WAC: variants seen among roughly 807,000 people sequenced by gnomAD.
The protein encoded by WAC is WW domain-containing adapter protein with coiled-coil.
In WAC, 11 loss-of-function variants were observed where a neutral mutation model predicts 79.6. The observed-to-expected ratio is 0.14, with a 90% CI of 0.09 to 0.23. WAC has a LOEUF of 0.23. Ranked by LOEUF, WAC falls within the 10% of genes least tolerant of loss-of-function variation. The pLI is 1.00. For synonymous variants in WAC, 304 were observed against 276.9 expected (o/e 1.10, Z -0.97); for missense variants, 728 against 773.5 (o/e 0.94, Z 0.70).
chr10:28,613,539 C>A (rs957714209), intron 10 of WAC, among the ~76,000 whole-genome samples: 2 of 152,076 alleles, frequency 1.3e-5, no homozygotes, highest in South Asian at 2.1e-4. Flanking sequence ...GGTAGCTGTT[C>A]GTTTTTTGTG....
intron 11 of WAC, chr10:28,615,308 ATTG>A (rs1841425463): frequency 6.6e-6 from 1 of 152,116 alleles, no homozygotes; most frequent in African/African-American, 2.4e-5. Flanking sequence ...TGTTGTTTTT[ATTG>A]TTGTTTTCTA....
intron 4 of WAC, among the ~76,000 whole-genome samples, chr10:28,584,187 T>C (rs1839685788): frequency 6.6e-6 from 1 of 152,174 alleles, no homozygotes; most frequent in Non-Finnish European, 1.5e-5. Flanking sequence ...TTAAAGTTGC[T>C]TTGGAGGGTG....
intron 10 of WAC, 95 bp from the exon 11 acceptor site, chr10:28,614,472 C>CTTCTTTAAAA: frequency 1.1e-5 from 3 of 271,050 alleles, no homozygotes; most frequent in South Asian, 3.9e-5. Flanking sequence ...AACTTGACTG[C>CTTCTTTAAAA]CACATTTTAC....
At chr10:28,603,336 C>G (rs1198233631) in intron 7 of WAC, among the ~76,000 whole-genome samples, 2 of 152,156 alleles carry the variant, frequency 1.3e-5, no homozygotes, top group African/African-American at 4.8e-5. Context: ...ATGGGTTGGA[C>G]GAGCTTGATC....
At position 28,564,382 on chromosome 10, in the gene WAC, G is replaced by A. The variant is rs79967178; in HGVS notation, c.275-19017G>A. ...AGTTTTTGGATTAAGTTTTGATGCT[G>A]ACTGAAGTCATAGAGATGGAAGAAG... is the stretch of plus-strand genomic sequence containing the variant. On this transcript the variant is annotated intron_variant, in intron 3 of 13. Coordinates refer to ENST00000354911, the MANE Select transcript of WAC (RefSeq NM_016628.5). 2.3e-3 allele frequency among the ~76,000 whole-genome samples: 347 copies of A among 152,348 alleles called. 3 individuals are homozygous for A. Among genetic ancestry groups the A allele is most frequent in the African/African-American group, 8.1e-3 (337 of 41,578 alleles).
chr10:28,533,802 G>A, intron 1 of WAC, 182 bp downstream of exon 1: 1 of 995,790 alleles, frequency 1.0e-6, no homozygotes, highest in Non-Finnish European at 1.4e-6. Flanking sequence ...GGGGAGCGGG[G>A]GCCCGGCTTC....
intron 4 of WAC, 106 bp from the exon 5 acceptor site, chr10:28,589,630 C>G: frequency 1.5e-6 from 1 of 655,172 alleles, no homozygotes; most frequent in Non-Finnish European, 2.6e-6. Context: ...GTTCAGAGTA[C>G]CTTTATCTCA....
At chr10:28,588,453 G>C (rs1329711137) in intron 4 of WAC, among the ~76,000 whole-genome samples, 1 of 152,164 alleles carries the variant, frequency 6.6e-6, no homozygotes, top group Admixed American at 6.5e-5. Context: ...TCCAGACTCG[G>C]TGTTAATTTA....
intron 7 of WAC, among the ~76,000 whole-genome samples, chr10:28,605,462 AT>A (rs2132783163): frequency 6.6e-6 from 1 of 152,292 alleles, no homozygotes; most frequent in Admixed American, 6.5e-5. Flanking sequence ...GTTTAATAAA[AT>A]CAAACCTTTT....
At position 28,620,340 on chromosome 10, in the gene WAC, G is replaced by A. The variant is rs2132888514; in HGVS notation, c.*734G>A. 1 of 144,008 alleles carries A rather than the reference G, an allele frequency of 6.9e-6. No individual in the cohort carries two copies. Among genetic ancestry groups the A allele is most frequent in the South Asian group, 2.3e-4 (1 of 4,308 alleles). The allele number at this position is 144,008 out of a possible 1,614,324, so 8.9% of individuals were successfully genotyped here. A position where few individuals can be genotyped will look rare whatever the true frequency, so the allele number is the denominator to read the frequency against. On this transcript the variant is annotated 3_prime_UTR_variant, in exon 14 of 14. Transcript: ENST00000354911. Reference sequence around the variant, plus strand: ...GTGATTGAGCATAACCTACTTGTTTGTATAAATTATTGAAATCCATTTGCA... The same window carrying A: ...GTGATTGAGCATAACCTACTTGTTTATATAAATTATTGAAATCCATTTGCA...
rs912120323 is a variant in WAC at position 28,622,491 on chromosome 10, G to C, written c.*2885G>C. On this transcript the variant is annotated 3_prime_UTR_variant, in exon 14 of 14. Coordinates refer to ENST00000354911, the MANE Select transcript of WAC (RefSeq NM_016628.5). ...CTATTCAAACTTTTAAAATGTCGTG[G>C]TATTGTAACAATATATTTGATGAAA... 2 of 128,890 alleles carry C rather than the reference G, an allele frequency of 1.6e-5. No homozygotes were observed. The highest frequency in any genetic ancestry group is 2.4e-4 in the South Asian group (1 of 4,228). 8.0% of individuals were successfully genotyped at this position (128,890 alleles called of 1,614,324 possible). A position where few individuals can be genotyped will look rare whatever the true frequency, so the allele number is the denominator to read the frequency against.
chr10:28,617,730 A>G lies in WAC; in HGVS notation c.1820A>G (p.Asn607Ser), dbSNP rs1841533768. The G allele has an allele frequency of 1.9e-6, 3 of 1,598,390 alleles. No homozygotes were observed. Among genetic ancestry groups the G allele is most frequent in the Non-Finnish European group, 2.6e-6 (3 of 1,175,318 alleles). ...HMSEICTELK[N>S]LRSLVRVCEI... is the part of the protein sequence containing the mutation. ...TCCGAAATTTGTACTGAATTAAAAA[A>G]TTTAAGATCTTTAGTCCGAGTATGT... is the stretch of plus-strand genomic sequence containing the variant. Residue 607 changes from asparagine (N) to serine (S), a missense_variant, in exon 13 of 14, where the codon AAT (asparagine) becomes AGT (serine). Around this residue, in one of 3 missense-constraint regions of WAC, gnomAD observed 66 missense variants for 78.9 expected, o/e 0.84. Coordinates refer to ENST00000354911, the MANE Select transcript of WAC (RefSeq NM_016628.5).
At chr10:28,547,846 C>T (rs576574415) in intron 3 of WAC, among the ~76,000 whole-genome samples, 1 of 150,722 alleles carries the variant, frequency 6.6e-6, no homozygotes, top group African/African-American at 2.4e-5. Flanking sequence ...TAAGTGTAGG[C>T]CTTTTTTCGT....
chr10:28,539,662 G>T (rs1053419036), intron 3 of WAC, among the ~76,000 whole-genome samples: 1 of 151,768 alleles, frequency 6.6e-6, no homozygotes, highest in Admixed American at 6.6e-5. Flanking sequence ...GAGTTCAAGC[G>T]ATCCTTCTGC....
chr10:28,581,926 A>G (rs1391508481), intron 3 of WAC, among the ~76,000 whole-genome samples: 2 of 152,208 alleles, frequency 1.3e-5, no homozygotes, highest in African/African-American at 4.8e-5. Context: ...AAGGGGGTTT[A>G]GGGTATTCTA....
intron 3 of WAC, among the ~76,000 whole-genome samples, chr10:28,554,677 T>C (rs1287421221): frequency 6.6e-6 from 1 of 152,214 alleles, no homozygotes; most frequent in Non-Finnish European, 1.5e-5. Context: ...AAAAGCACAC[T>C]TGCTTGTTCT....
At chr10:28,610,499 C>T (rs926736096) in intron 8 of WAC, among the ~76,000 whole-genome samples, 200 bp from the exon 9 acceptor site, 10 of 150,502 alleles carry the variant, frequency 6.6e-5, no homozygotes, top group African/African-American at 2.2e-4. Context: ...TATTGTAAAC[C>T]CATTAAGTTT....
At chr10:28,583,910 G>C (rs1289494438) in intron 4 of WAC, among the ~76,000 whole-genome samples, 4 of 152,170 alleles carry the variant, frequency 2.6e-5, no homozygotes, top group Non-Finnish European at 5.9e-5. Flanking sequence ...CACTCTCCCA[G>C]ACGCTAGGGA....
At chr10:28,616,435 C>G (rs747944765) in intron 12 of WAC, 73 bp downstream of exon 12, 5 of 1,182,860 alleles carry the variant, frequency 4.2e-6, no homozygotes, top group Non-Finnish European at 5.6e-6. Context: ...TCTAGAGAAT[C>G]TAATGTGACC....
Sources: allele counts gnomAD v4.1 joint callset (sites outside exome capture counted in the v4.1 genomes callset), GRCh38; gene constraint gnomAD v4.1.1; regional missense constraint gnomAD v4.1.1; transcripts MANE v1.5; gene names NCBI Gene and HGNC (gene_info 2026-07-23, HGNC 2026-07-21).